The following FUZ variants were observed in gnomAD, a reference collection of about 807,000 sequenced individuals.
FUZ encodes protein fuzzy homolog.
FUZ carries 31 observed loss-of-function variants against 43.1 expected under a neutral mutation model. The observed-to-expected ratio is 0.72, with a 90% CI of 0.54 to 0.97. FUZ has a LOEUF of 0.97. Ranked by LOEUF, FUZ falls within the 50% of genes least tolerant of loss-of-function variation. The pLI, the probability that FUZ is intolerant of heterozygous loss-of-function variation, is 0.00. For synonymous variants in FUZ, 274 were observed against 250.0 expected (o/e 1.10, Z -0.91); for missense variants, 539 against 543.8 (o/e 0.99, Z 0.09).
rs561770463 is a variant in FUZ, at chr19:49,807,233, A to T, written c.1175T>A (p.Leu392Gln). Reference protein sequence around the residue: ...ALQLGLRRLLLLLSPQSPTHG... With the variant: ...ALQLGLRRLLQLLSPQSPTHG... The stretch of plus-strand genomic sequence containing the variant: ...GGTGGGACTCTGGGGAGACAGCAGC[A>T]GCAGCAGCCGCCGAAGCCCCAGCTG... The change falls in exon 11 of 11, where the codon CTG (leucine) becomes CAG (glutamine). Residue 392 changes from leucine to glutamine, a missense_variant. Coordinates refer to ENST00000313777, the MANE Select transcript of FUZ (RefSeq NM_025129.5). The T allele has an allele frequency of 6.2e-7, 1 of 1,612,898 alleles. No individual in the cohort carries two copies. Among genetic ancestry groups the T allele is most frequent in the Admixed American group, 1.7e-5 (1 of 59,966 alleles).
At position 49,813,051 on chromosome 19, in the gene FUZ, C is replaced by A. The variant is rs2073868022; in HGVS notation, c.56G>T (p.Ser19Ile). ...GCTCCTGCAGAATAGGGGGACCCCGCTGGAGGCCGCGAGGCACAGCAGATG... is the reference window on the plus strand; with the variant it reads ...GCTCCTGCAGAATAGGGGGACCCCGATGGAGGCCGCGAGGCACAGCAGATG... ...TVHLLCLAASSGVPLFCRSSR... is the reference protein window; with the variant it reads ...TVHLLCLAASIGVPLFCRSSR... Residue 19 changes from serine to isoleucine, a missense_variant, in exon 1 of 11, where the codon AGC (serine) becomes ATC (isoleucine). By Grantham distance (142) the Ser-to-Ile change is moderately radical. Transcript: ENST00000313777. 1 of 1,551,326 alleles carries A rather than the reference C, an allele frequency of 6.4e-7. No homozygotes were observed.
chr19:49,809,468 G>A lies in FUZ; in HGVS notation c.600C>T (p.Pro200=), dbSNP rs1454041727. 3.2e-6 allele frequency: 5 copies of A among 1,566,898 alleles called. No homozygotes were observed. Among genetic ancestry groups the A allele is most frequent in the Middle Eastern group, 1.7e-4 (1 of 5,994 alleles). The part of the protein sequence containing the change: ...ATEGWWRLGT[P]EAVLLPWLVG... Reference sequence around the variant, plus strand: ...CCAGCCAGGGGAGCAGCACGGCCTCGGGCGTCCCCAGCCGCCACCAACCCT... The same window carrying A: ...CCAGCCAGGGGAGCAGCACGGCCTCAGGCGTCCCCAGCCGCCACCAACCCT... Residue 200 remains proline (P), a synonymous_variant, in exon 6 of 11, where the codon CCC becomes CCT. Transcript: ENST00000313777. The surrounding 1 kb of genome is among the most constrained non-coding windows in gnomAD (Gnocchi z 5.1).
In FUZ at chr19:49,808,643, G is replaced by C. The variant is rs370042440; in HGVS notation, c.894-5C>G. The C allele has an allele frequency of 6.2e-6, 10 of 1,613,146 alleles. No homozygotes were observed. The highest frequency in any genetic ancestry group is 8.5e-6 in the Non-Finnish European group (10 of 1,179,624). On this transcript the variant is annotated splice_region_variant and splice_polypyrimidine_tract_variant and intron_variant, in intron 8 of 10. Coordinates refer to ENST00000313777, the MANE Select transcript of FUZ (RefSeq NM_025129.5). ...TCCAGGTGGAGGAGCAGCAGCCTGT[G>C]GGAAAGGGAAGGGAATGTCATGGCT...
intron 5 of FUZ, among the ~76,000 whole-genome samples, chr19:49,810,336 A>C (rs1568605117): frequency 6.6e-6 from 1 of 150,874 alleles, no homozygotes; most frequent in Non-Finnish European, 1.5e-5. Context: ...GGGCAACTTA[A>C]TGGAAACCCA....
intron 10 of FUZ, among the ~76,000 whole-genome samples, chr19:49,807,701 A>G (rs1397586771): frequency 4.6e-5 from 7 of 151,926 alleles, no homozygotes; most frequent in African/African-American, 1.7e-4. Flanking sequence ...CCAGGAGCCC[A>G]CCCGCCCCAC....
chr19:49,811,304 T>G (rs2073777691), intron 5 of FUZ, 59 bp downstream of exon 5: 2 of 1,190,938 alleles, frequency 1.7e-6, no homozygotes, highest in African/African-American at 1.5e-5. Context: ...AGAAAGAGGA[T>G]GAGGACTGAG....
At chr19:49,807,821 C>A (rs759808389) in intron 10 of FUZ, among the ~76,000 whole-genome samples, 5 of 152,224 alleles carry the variant, frequency 3.3e-5, no homozygotes, top group African/African-American at 1.2e-4. Flanking sequence ...GTGCTGCATT[C>A]ATCCGGGCTT....
At chr19:49,811,199 A>G in intron 5 of FUZ, 164 bp downstream of exon 5, 1 of 649,458 alleles carries the variant, frequency 1.5e-6, no homozygotes, top group Admixed American at 2.5e-5. Context: ...AGAGAAAGAA[A>G]AGAAAAAAAA....
At chr19:49,811,753 G>C in intron 3 of FUZ, 54 bp from the exon 4 acceptor site, 1 of 1,418,954 alleles carries the variant, frequency 7.0e-7, no homozygotes, top group African/African-American at 1.4e-5. Context: ...TGAACTCCTG[G>C]GTCTGAAGGA....
rs141058096 is a variant in FUZ, at chr19:49,812,731, C to T, written c.117G>A (p.Pro39=). The change falls in exon 2 of 11, where the codon CCG becomes CCA. Residue 39 remains proline (P), a synonymous_variant. Transcript: ENST00000313777. The part of the protein sequence containing the change: ...RGGAPARQQL[P]FSVIGSLNGV... ...CATTGAGGGAACCGATGACAGAGAACGGGAGCTAAGGAGGGGTTAGGGACA... is the reference window on the plus strand; with the variant it reads ...CATTGAGGGAACCGATGACAGAGAATGGGAGCTAAGGAGGGGTTAGGGACA... 4.0e-5 allele frequency: 64 copies of T among 1,613,834 alleles called. No individual in the cohort carries two copies. Among genetic ancestry groups the T allele is most frequent in the Non-Finnish European group, 5.1e-5 (60 of 1,180,022 alleles).
rs746403012 is a variant in FUZ, at chr19:49,808,690, G to C, written c.893+27C>G. The C allele has an allele frequency of 3.7e-6, 6 of 1,603,082 alleles. No individual in the cohort carries two copies. The Admixed American group carries it at 1.0e-4, about 27-fold the overall frequency. On this transcript the variant is annotated intron_variant, in intron 8 of 10. Transcript: ENST00000313777. ...GGCTGGGGAAGAGGACATGACCCCC[G>C]ACCCACTCCCTCCATCCGAGCCCTA...
At position 49,812,319 on chromosome 19, in the gene FUZ, G is replaced by T; in HGVS notation, c.250C>A (p.Leu84Met). The change falls in exon 3 of 11, where the codon CTG becomes ATG. Residue 84 changes from leucine to methionine, a missense_variant. Coordinates refer to ENST00000313777, the MANE Select transcript of FUZ (RefSeq NM_025129.5). ...SFHDSITLIV[L>M]SSEVGISELR... The stretch of plus-strand genomic sequence containing the variant: ...TCAGAGATGCCCACCTCAGATGACA[G>T]AACAATGAGGGTGATGCTGTGGAAT... The T allele has an allele frequency of 6.2e-7, 1 of 1,614,042 alleles. No individual in the cohort carries two copies. Among genetic ancestry groups the T allele is most frequent in the Non-Finnish European group, 8.5e-7 (1 of 1,179,910 alleles).
chr19:49,808,540 T>TCCCACC, intron 9 of FUZ, 34 bp downstream of exon 9: 1 of 1,505,760 alleles, frequency 6.6e-7, no homozygotes, highest in Admixed American at 1.8e-5. Context: ...CCCACGCCCC[T>TCCCACC]CCTACCCCTG....
At chr19:49,807,681 G>A (rs2073463946) in intron 10 of FUZ, among the ~76,000 whole-genome samples, 1 of 152,148 alleles carries the variant, frequency 6.6e-6, no homozygotes, top group Non-Finnish European at 1.5e-5. Context: ...AGGAGCTCCT[G>A]TAGCCTTTTC....
intron 10 of FUZ, among the ~76,000 whole-genome samples, 191 bp from the exon 11 acceptor site, chr19:49,807,565 C>T (rs1405623413): frequency 6.6e-6 from 1 of 152,180 alleles, no homozygotes; most frequent in Non-Finnish European, 1.5e-5. Context: ...TGTCACTCAG[C>T]TCACCCTCTT....
At position 49,807,091 on chromosome 19, in the gene FUZ, C is replaced by T. The variant is rs747975013; in HGVS notation, c.*60G>A. The T allele has an allele frequency of 4.0e-5, 55 of 1,379,732 alleles. 1 individual carries two copies. Among genetic ancestry groups the T allele is most frequent in the South Asian group, 6.8e-5 (6 of 87,670 alleles). The allele number at this position is 1,379,732 out of a possible 1,614,324, so 85.5% of individuals were successfully genotyped here. A position where few individuals can be genotyped will look rare whatever the true frequency, so the allele number is the denominator to read the frequency against. ...TCCAGGGGCTGTGTATTATTGTGAG[C>T]GAATAAACAGAGAGACGCTAACAGC... is the stretch of plus-strand genomic sequence containing the variant. On this transcript the variant is annotated 3_prime_UTR_variant, in exon 11 of 11. Coordinates refer to ENST00000313777, the MANE Select transcript of FUZ (RefSeq NM_025129.5).
Position 49,807,323 on chromosome 19 carries a change from G to T in FUZ, c.1085C>A (p.Pro362His), listed in dbSNP as rs1331544453. 1.2e-6 allele frequency: 2 copies of T among 1,613,524 alleles called. No homozygotes were observed. Among genetic ancestry groups the T allele is most frequent in the South Asian group, 2.2e-5 (2 of 91,052 alleles). ...TEDEVYQAQL[P>H]RACYLVLGTE... ...CCCCAACACCAGGTAGCAAGCTCTG[G>T]GCAGCTGGGCCTGGTAGACCTCATC... The change falls in exon 11 of 11, where the codon CCC becomes CAC. Residue 362 changes from proline (P) to histidine (H), a missense_variant. Transcript: ENST00000313777.
At position 49,807,388 on chromosome 19, in the gene FUZ, AGG is replaced by A; in HGVS notation, c.1034-16_1034-15del. 1.2e-6 allele frequency: 2 copies of A among 1,605,042 alleles called. No homozygotes were observed. The highest frequency in any genetic ancestry group is 1.7e-6 in the Non-Finnish European group (2 of 1,175,706). On this transcript the variant is annotated splice_polypyrimidine_tract_variant and intron_variant, in intron 10 of 10. Transcript: ENST00000313777. ...GTGGCCCTGGCTCTGGAGAAAGAAC[AGG>A]GGGCACTGACATGACAAGTAGCATG...
Position 49,808,832 on chromosome 19 carries a change from G to C in FUZ, c.787-9C>G, listed in dbSNP as rs1334109633. On this transcript the variant is annotated splice_polypyrimidine_tract_variant and intron_variant, in intron 7 of 10. Coordinates refer to ENST00000313777, the MANE Select transcript of FUZ (RefSeq NM_025129.5). Reference sequence around the variant, plus strand: ...CACCAGCGCTCCAGAAGCTGCAGGGGGCGTGGTCATTGTGAGGTCGTCATG... The same window carrying C: ...CACCAGCGCTCCAGAAGCTGCAGGGCGCGTGGTCATTGTGAGGTCGTCATG... 11 of 1,544,316 alleles carry C rather than the reference G, an allele frequency of 7.1e-6. No individual in the cohort carries two copies. The highest frequency in any genetic ancestry group is 2.4e-5 in the East Asian group (1 of 41,006).
Sources: allele counts gnomAD v4.1 joint callset (sites outside exome capture counted in the v4.1 genomes callset), GRCh38; gene constraint gnomAD v4.1.1; non-coding constraint Gnocchi (gnomAD v3.1); transcripts MANE v1.5; gene names NCBI Gene and HGNC (gene_info 2026-07-23, HGNC 2026-07-21).